Variants in LLGL2 observed in about 807,000 individuals in gnomAD.
LLGL2 encodes the protein LLGL2, scribble cell polarity complex component.
A neutral mutation model predicts 123.2 loss-of-function variants in LLGL2; 81 were observed. The observed-to-expected ratio is 0.66, with a 90% confidence interval of 0.55 to 0.79. The LOEUF is 0.79. Ranked by LOEUF, LLGL2 falls within the 30% of genes least tolerant of loss-of-function variation. LLGL2 has a pLI of 0.00. For missense variants in LLGL2, 1,273 were observed against 1,414.6 expected (o/e 0.90, Z 1.61); for synonymous variants, 577 against 594.1 (o/e 0.97, Z 0.42).
chr17:75,541,085 C>T (rs888339435), intron 1 of LLGL2, among the ~76,000 whole-genome samples: 1 of 152,206 alleles, frequency 6.6e-6, no homozygotes, highest in African/African-American at 2.4e-5. Flanking sequence ...GGGTGGTGCT[C>T]AGTGTCCACG....
In LLGL2 at chr17:75,564,111, A is replaced by G. The variant is rs2055344101; in HGVS notation, c.882-242A>G. ...GACAAAATCACTCTGGGTGATGTTCAAACAGAATTGGTGGGGGCACCCAGC... is the reference window on the plus strand; with the variant it reads ...GACAAAATCACTCTGGGTGATGTTCGAACAGAATTGGTGGGGGCACCCAGC... On this transcript the variant is annotated intron_variant, in intron 9 of 25. Coordinates refer to ENST00000392550, the MANE Select transcript of LLGL2 (RefSeq NM_001031803.2). This position sits in a 1 kb window ranked among gnomAD's most constrained non-coding sequence, Gnocchi z 4.9. Among the ~76,000 whole-genome samples, 1 of 152,210 alleles carries G rather than the reference A, an allele frequency of 6.6e-6. No homozygotes were observed. Among genetic ancestry groups the G allele is most frequent in the South Asian group, 2.1e-4 (1 of 4,834 alleles).
Position 75,563,096 on chromosome 17 carries a change from T to C in LLGL2, c.611T>C (p.Ile204Thr). 1.2e-6 allele frequency: 2 copies of C among 1,613,254 alleles called. No individual in the cohort carries two copies. Among genetic ancestry groups the C allele is most frequent in the Non-Finnish European group, 1.7e-6 (2 of 1,180,010 alleles). Residue 204 changes from isoleucine (I) to threonine (T), a missense_variant, in exon 7 of 26, where the codon ATC becomes ACC. Physicochemically the swap from Ile to Thr is moderately conservative, Grantham distance 89. Transcript: ENST00000392550. ...GAGCACCCTCGAGACCCCAACCAGA[T>C]CCTGATCGGCTACAGCCGAGGCCTC... ...LQEHPRDPNQ[I>T]LIGYSRGLVV...
intron 1 of LLGL2, among the ~76,000 whole-genome samples, chr17:75,528,272 C>T (rs559565160): frequency 1.3e-5 from 2 of 152,020 alleles, no homozygotes; most frequent in African/African-American, 4.8e-5. Context: ...CCTGCCATCA[C>T]GCCCGGCTAA....
In LLGL2 at chr17:75,563,391, G is replaced by A. The variant is rs749704053; in HGVS notation, c.754G>A (p.Gly252Ser). 4.3e-6 allele frequency: 7 copies of A among 1,612,740 alleles called. No individual in the cohort carries two copies. The highest frequency in any genetic ancestry group is 2.2e-5 in the East Asian group (1 of 44,900). The change falls in exon 8 of 26, where the codon GGC (glycine) becomes AGC (serine). Residue 252 changes from glycine (G) to serine (S), a missense_variant. Physicochemically the swap from Gly to Ser is moderately conservative, Grantham distance 56. Transcript: ENST00000392550. ...GRLLVSCHSD[G>S]SYCQWPVSSE... ...CCTGCTCGTCAGCTGTCACTCTGAC[G>A]GCAGCTACTGCCAGTGGCCCGTGTC...
At chr17:75,573,921 G>A (rs1598645061) in intron 21 of LLGL2, 31 bp from the exon 22 acceptor site, 2 of 1,550,454 alleles carry the variant, frequency 1.3e-6, no homozygotes, top group East Asian at 2.4e-5. Flanking sequence ...GAGCCCGGGG[G>A]CCCTGGTCCT....
chr17:75,533,870 G>A (rs1167545169), intron 1 of LLGL2, among the ~76,000 whole-genome samples: 6 of 152,218 alleles, frequency 3.9e-5, no homozygotes, highest in Non-Finnish European at 8.8e-5. Flanking sequence ...GCCAGAAGGT[G>A]ACATTTGAGC....
intron 1 of LLGL2, among the ~76,000 whole-genome samples, chr17:75,540,458 C>T (rs961467428): frequency 1.3e-5 from 2 of 152,188 alleles, no homozygotes; most frequent in African/African-American, 2.4e-5. Context: ...GTCCCAGCCC[C>T]GTGTGGGAAG....
Position 75,574,646 on chromosome 17 carries a change from G to T in LLGL2, c.3033G>T (p.Gly1011=). The T allele has an allele frequency of 1.2e-6, 2 of 1,612,204 alleles. No individual in the cohort carries two copies. Among genetic ancestry groups the T allele is most frequent in the Non-Finnish European group, 1.7e-6 (2 of 1,179,644 alleles). ...GGCGTTCACATCGAGCCGCCGTGGG[G>T]TGCAGCCTCAGCAATGGCGGAGGTG... ...GNWRSHRAAV[G]CSLSNGGAE Residue 1011 remains glycine, a synonymous_variant, in exon 25 of 26, where the codon GGG becomes GGT. Transcript: ENST00000392550.
chr17:75,573,106 C>T lies in LLGL2; in HGVS notation c.2553C>T (p.Phe851=), dbSNP rs759059197. 30 of 1,612,718 alleles carry T rather than the reference C, an allele frequency of 1.9e-5. No individual in the cohort carries two copies. The highest frequency in any genetic ancestry group is 3.3e-4 in the Middle Eastern group (2 of 6,082). ...TGCGGCGGGTCAGCGTGGCCCACTT[C>T]GGCAGTCGTCGAGCCGAGGACTACG... is the stretch of plus-strand genomic sequence containing the variant. The part of the protein sequence containing the change: ...SRVRRVSVAH[F]GSRRAEDYGE... Residue 851 remains phenylalanine (F), a synonymous_variant, in exon 20 of 26, where the codon TTC becomes TTT. Coordinates refer to ENST00000392550, the MANE Select transcript of LLGL2 (RefSeq NM_001031803.2).
intron 1 of LLGL2, among the ~76,000 whole-genome samples, chr17:75,539,267 C>A (rs898273023): frequency 6.6e-6 from 1 of 152,132 alleles, no homozygotes; most frequent in African/African-American, 2.4e-5. Flanking sequence ...CCCTATGTTG[C>A]CCTGGCTGGT....
Position 75,543,551 on chromosome 17 carries a change from G to T in LLGL2, c.75+50G>T, listed in dbSNP as rs777851165. On this transcript the variant is annotated intron_variant, in intron 2 of 25. Coordinates refer to ENST00000392550, the MANE Select transcript of LLGL2 (RefSeq NM_001031803.2). Reference sequence around the variant, plus strand: ...TGACCCCCAGGTTTTCGGCCAAGCAGCTCAGGCTGGGGCTGAGGCACCTCT... The same window carrying T: ...TGACCCCCAGGTTTTCGGCCAAGCATCTCAGGCTGGGGCTGAGGCACCTCT... 3 of 1,493,520 alleles carry T rather than the reference G, an allele frequency of 2.0e-6. No individual in the cohort carries two copies. The East Asian group carries it at 6.9e-5, about 35-fold the overall frequency. 92.5% of individuals were successfully genotyped at this position (1,493,520 alleles called of 1,614,324 possible).
intron 10 of LLGL2, among the ~76,000 whole-genome samples, chr17:75,567,065 C>T (rs1454292750): frequency 2.0e-5 from 3 of 152,158 alleles, no homozygotes; most frequent in African/African-American, 7.2e-5. Context: ...AGCCCGGGCA[C>T]CCTCAAGCCT....
intron 1 of LLGL2, among the ~76,000 whole-genome samples, chr17:75,542,030 G>T (rs1426469239): frequency 1.3e-4 from 19 of 151,768 alleles, no homozygotes; most frequent in Non-Finnish European, 2.1e-4. Flanking sequence ...TTTACAGTGC[G>T]ATTTTGTAAA....
At position 75,559,335 on chromosome 17, in the gene LLGL2, A is replaced by G. The variant is rs770564636; in HGVS notation, c.455A>G (p.Asn152Ser). The G allele has an allele frequency of 3.1e-6, 5 of 1,613,550 alleles. No individual in the cohort carries two copies. The highest frequency in any genetic ancestry group is 1.1e-5 in the South Asian group (1 of 91,068). Residue 152 changes from asparagine (N) to serine (S), a missense_variant, in exon 6 of 26, where the codon AAC becomes AGC. Asn to Ser is a conservative substitution (Grantham distance 46). Transcript: ENST00000392550. The surrounding 1 kb of genome is among the most constrained non-coding windows in gnomAD (Gnocchi z 4.6). Reference protein sequence around the residue: ...ELLYLGTESGNVFVVQLPAFR... With the variant: ...ELLYLGTESGSVFVVQLPAFR... The stretch of plus-strand genomic sequence containing the variant: ...CTCTACCTGGGCACCGAGAGTGGCA[A>G]CGTGTTTGTGGTGCAGCTGCCAGCT...
rs887583816 is a variant in LLGL2, at chr17:75,525,726, C to T, written c.-130C>T. 1.3e-5 allele frequency: 2 copies of T among 150,906 alleles called. No individual in the cohort carries two copies. Among genetic ancestry groups the T allele is most frequent in the African/African-American group, 2.4e-5 (1 of 41,314 alleles). 9.3% of individuals were successfully genotyped at this position (150,906 alleles called of 1,614,324 possible). ...CGGAGGTGAGCAGGAAGGAGACGGC[C>T]GCCCAGCAGCCCGTGGGCAGGCGCG... On this transcript the variant is annotated 5_prime_UTR_variant, in exon 1 of 26. Transcript: ENST00000392550. This position sits in a 1 kb window ranked among gnomAD's most constrained non-coding sequence, Gnocchi z 4.8.
intron 9 of LLGL2, 135 bp downstream of exon 9, chr17:75,563,941 A>C: frequency 1.2e-6 from 1 of 846,972 alleles, no homozygotes; most frequent in Admixed American, 2.0e-5. Context: ...GACACCAGGG[A>C]GGGGAGACAG....
intron 1 of LLGL2, among the ~76,000 whole-genome samples, chr17:75,531,345 C>T (rs1013321881): frequency 1.3e-5 from 2 of 152,208 alleles, no homozygotes; most frequent in African/African-American, 2.4e-5. Flanking sequence ...AGTTTAGTTT[C>T]CCCGGGGAGC....
intron 1 of LLGL2, among the ~76,000 whole-genome samples, chr17:75,534,888 C>G (rs2053942758): frequency 6.6e-6 from 1 of 152,234 alleles, no homozygotes; most frequent in Non-Finnish European, 1.5e-5. Flanking sequence ...AAAGTCACAT[C>G]CAGCCATAGC....
At chr17:75,545,002 G>T (rs1598545031) in intron 2 of LLGL2, among the ~76,000 whole-genome samples, 1 of 152,044 alleles carries the variant, frequency 6.6e-6, no homozygotes, top group Non-Finnish European at 1.5e-5. Flanking sequence ...CAAAGCTTCG[G>T]TGTCCACGGG....
Sources: gnomAD v4.1 joint callset for allele counts (sites outside exome capture counted in the v4.1 genomes callset) on GRCh38, gnomAD v4.1.1 for gene constraint, Gnocchi (gnomAD v3.1) non-coding constraint, MANE v1.5 for transcripts, NCBI Gene and HGNC (gene_info 2026-07-23, HGNC 2026-07-21) for gene names.